The following ANKRD26 variants were observed in gnomAD, a reference collection of about 807,000 sequenced individuals.
ANKRD26 encodes ankyrin repeat domain-containing protein 26.
Under a neutral mutation model 208.7 loss-of-function variants are expected in ANKRD26, and 141 were observed. The observed-to-expected ratio is 0.68, with a 90% CI of 0.59 to 0.78. ANKRD26 has a LOEUF of 0.78. Ranked by LOEUF, ANKRD26 falls within the 30% of genes least tolerant of loss-of-function variation. The pLI is 0.00. For missense variants in ANKRD26, 1,889 were observed against 1,938.7 expected (o/e 0.97, Z 0.48); for synonymous variants, 636 against 660.4 (o/e 0.96, Z 0.57).
intron 20 of ANKRD26, among the ~76,000 whole-genome samples, chr10:27,041,669 A>G (rs1463129255): frequency 6.6e-6 from 1 of 152,182 alleles, no homozygotes; most frequent in Non-Finnish European, 1.5e-5. Context: ...AATTAGATGA[A>G]AATAAACACA....
downstream of ANKRD26, among the ~76,000 whole-genome samples, chr10:27,003,750 T>C (rs1374717747): frequency 6.6e-6 from 1 of 152,130 alleles, no homozygotes; most frequent in Non-Finnish European, 1.5e-5. Context: ...GGAAACACTG[T>C]ACAAACCAAA....
chr10:27,014,688 GT>G lies in ANKRD26; in HGVS notation c.4529del (p.Asn1510ThrfsTer2), dbSNP rs1246679268. 2 of 1,612,840 alleles carry G rather than the reference GT, an allele frequency of 1.2e-6. No individual in the cohort carries two copies. The highest frequency in any genetic ancestry group is 1.7e-6 in the Non-Finnish European group (2 of 1,179,618). On this transcript the variant is annotated frameshift_variant, in exon 31 of 34. Coordinates refer to ENST00000376087, the MANE Select transcript of ANKRD26 (RefSeq NM_014915.3). LOFTEE classifies it high-confidence loss of function. ...FLQAQAASQE[N>X]LEQFRENNFA... ...AATTATTCTCTCTAAACTGCTCTAAGTTTTCTTGAGATGCTGCTTGTGCCTA... is the reference window on the plus strand; with the variant it reads ...AATTATTCTCTCTAAACTGCTCTAAGTTTCTTGAGATGCTGCTTGTGCCTA...
At chr10:27,014,247 T>C (rs1188186891) in intron 31 of ANKRD26, among the ~76,000 whole-genome samples, 1 of 150,666 alleles carries the variant, frequency 6.6e-6, no homozygotes, top group Non-Finnish European at 1.5e-5. Flanking sequence ...CTGAAAGACA[T>C]AGATCCAGTT....
chr10:27,006,989 A>G, intron 32 of ANKRD26, 27 bp from the exon 33 acceptor site: 1 of 1,543,052 alleles, frequency 6.5e-7, no homozygotes, highest in Non-Finnish European at 9.0e-7. Flanking sequence ...GTTATTTATA[A>G]TGTTTAAGTT....
chr10:27,037,095 C>T, intron 23 of ANKRD26, 91 bp downstream of exon 23: 1 of 1,341,660 alleles, frequency 7.5e-7, no homozygotes. Flanking sequence ...CGACACTTTC[C>T]AAGATGCATA....
chr10:26,964,206 G>T, the ANKRD26 span, among the ~76,000 whole-genome samples: 1 of 152,022 alleles, frequency 6.6e-6, no homozygotes, highest in Non-Finnish European at 1.5e-5. Context: ...ACCATGCCTG[G>T]CCTGTTGTAT....
At chr10:27,078,690 G>A (rs114598659) in intron 7 of ANKRD26, among the ~76,000 whole-genome samples, 57 of 152,134 alleles carry the variant, frequency 3.7e-4, no homozygotes, top group African/African-American at 1.3e-3. Context: ...CCTGAAAGCT[G>A]TAACATTCTT....
At chr10:27,054,727 G>A (rs1457819430) in intron 15 of ANKRD26, among the ~76,000 whole-genome samples, 3 of 152,134 alleles carry the variant, frequency 2.0e-5, no homozygotes, top group African/African-American at 7.2e-5. Context: ...AGGGAAAGAA[G>A]CCTCAAATAG....
chr10:27,069,830 A>AT (rs1160970872), intron 9 of ANKRD26, among the ~76,000 whole-genome samples: 4 of 152,170 alleles, frequency 2.6e-5, no homozygotes, highest in African/African-American at 9.7e-5. Flanking sequence ...ATATTTCAAC[A>AT]TTTGAGGATG....
At chr10:26,998,855 G>A (rs957308287) in intron 4 of ANKRD26, among the ~76,000 whole-genome samples, 6 of 152,132 alleles carry the variant, frequency 3.9e-5, no homozygotes, top group East Asian at 1.9e-4. Flanking sequence ...AGTAGCAGTC[G>A]AGGAGGGGAA....
At chr10:27,055,634 A>G (rs1464885388) in intron 15 of ANKRD26, among the ~76,000 whole-genome samples, 1 of 152,202 alleles carries the variant, frequency 6.6e-6, no homozygotes. Context: ...AATTTCATAT[A>G]TCTTTTTTAA....
At position 27,017,583 on chromosome 10, in the gene ANKRD26, G is replaced by T; in HGVS notation, c.4425C>A (p.Val1475=). ...CTTCAATCTCCTGTTTATACTGTTT[G>T]ACTTGACCAAGTTCTACCATATTCC... ...IERNMVELGQ[V]KQYKQEIEER... is the part of the protein sequence containing the mutation. Residue 1475 remains valine, a synonymous_variant, in exon 30 of 34, where the codon GTC becomes GTA. Coordinates refer to ENST00000376087, the MANE Select transcript of ANKRD26 (RefSeq NM_014915.3). 1.2e-6 allele frequency: 2 copies of T among 1,613,540 alleles called. No individual in the cohort carries two copies. The highest frequency in any genetic ancestry group is 2.2e-5 in the South Asian group (2 of 91,044).
chr10:27,039,651 G>T (rs1269035006), intron 21 of ANKRD26, among the ~76,000 whole-genome samples: 2 of 151,972 alleles, frequency 1.3e-5, no homozygotes, highest in Non-Finnish European at 2.9e-5. Flanking sequence ...TGTAGAAAAA[G>T]ATTTATAAAA....
downstream of ANKRD26, among the ~76,000 whole-genome samples, chr10:26,973,764 C>T (rs113152488): frequency 0.033 from 4,648 of 142,856 alleles, 174 homozygotes; most frequent in African/African-American, 0.093. Flanking sequence ...AGTGATTCTG[C>T]TGCCTTAGCC....
chr10:27,097,240 C>A (rs1233399175), intron 1 of ANKRD26, among the ~76,000 whole-genome samples: 2 of 151,306 alleles, frequency 1.3e-5, no homozygotes, highest in Non-Finnish European at 2.9e-5. Context: ...CTTTGGGAGG[C>A]CGAGGTGGGC....
chr10:27,037,101 G>T, intron 23 of ANKRD26, 85 bp downstream of exon 23: 1 of 1,364,520 alleles, frequency 7.3e-7, no homozygotes, highest in East Asian at 2.4e-5. Context: ...TTTCCAAGAT[G>T]CATATATAGT....
chr10:26,998,196 T>G (rs971115961), intron 4 of ANKRD26, among the ~76,000 whole-genome samples: 16 of 152,218 alleles, frequency 1.1e-4, no homozygotes, highest in Non-Finnish European at 2.2e-4. Flanking sequence ...AATGTATCAT[T>G]TTTACTGTTT....
At position 27,086,609 on chromosome 10, in the gene ANKRD26, G is replaced by A; in HGVS notation, c.639C>T (p.Ser213=). 4.4e-6 allele frequency: 7 copies of A among 1,601,210 alleles called. No individual in the cohort carries two copies. Among genetic ancestry groups the A allele is most frequent in the Non-Finnish European group, 6.0e-6 (7 of 1,173,040 alleles). Residue 213 remains serine, a splice_region_variant and synonymous_variant, in exon 5 of 34, where the codon AGC becomes AGT. Transcript: ENST00000376087. ...ANVNAVDKLE[S]SHQLISEYKE... ...TATATTCTGAAATTAGTTGGTGACT[G>A]CTATGTATAGAAAAATGTAACAAAA... is the stretch of plus-strand genomic sequence containing the variant.
intron 5 of ANKRD26, among the ~76,000 whole-genome samples, chr10:26,993,195 C>T (rs989599176): frequency 6.6e-6 from 1 of 152,160 alleles, no homozygotes; most frequent in Non-Finnish European, 1.5e-5. Context: ...CTGAATTACT[C>T]ATCCTCGTGC....
Sources: allele counts gnomAD v4.1 joint callset (sites outside exome capture counted in the v4.1 genomes callset), GRCh38; gene constraint gnomAD v4.1.1; transcripts MANE v1.5; gene names NCBI Gene and HGNC (gene_info 2026-07-23, HGNC 2026-07-21).